The following RP1 variants were observed in gnomAD, a reference collection of about 807,000 sequenced individuals.
RP1 encodes the protein oxygen-regulated protein 1.
Under a neutral mutation model 14.8 loss-of-function variants are expected in RP1, and 16 were observed. The ratio of observed to expected loss-of-function variants is 1.08; its 90% confidence interval spans 0.73 to 1.65. RP1 has a LOEUF of 1.65. Ranked by LOEUF, RP1 falls within the 40% of genes most tolerant of loss-of-function variation. RP1 has a pLI of 0.00. For missense variants in RP1, 2,631 were observed against 2,535.0 expected, an observed-to-expected ratio of 1.04 and a Z score of -0.81; for synonymous variants, 876 against 883.6, an observed-to-expected ratio of 0.99 and a Z score of 0.15.
intron 15 of RP1, among the ~76,000 whole-genome samples, chr8:54,710,012 G>A (rs941452933): frequency 6.6e-6 from 1 of 152,118 alleles, no homozygotes; most frequent in Non-Finnish European, 1.5e-5. Flanking sequence ...TGCCATCAGG[G>A]CCCCATGTTT....
Position 54,839,448 on chromosome 8 carries a change from C to T in RP1, c.3835+1779C>T, listed in dbSNP as rs149361448. Among the ~76,000 whole-genome samples, 107 of 152,300 alleles carry T rather than the reference C, an allele frequency of 7.0e-4. No homozygotes were observed. The East Asian group carries it at 0.019, about 27-fold the overall frequency. On this transcript the variant is annotated intron_variant, in intron 25 of 28. Coordinates refer to the RP1 transcript ENST00000637698. ...AGCACCAGAGGAAATCCTGATGATT[C>T]GGATAGGGGTCCTGTTCTTTAGAAG...
chr8:54,696,985 G>A (rs1194479940), intron 12 of RP1: 4 of 1,377,330 alleles, frequency 2.9e-6, no homozygotes, highest in Non-Finnish European at 4.1e-6. Context: ...CCTTCCCAGG[G>A]AATCATTTCC....
intron 12 of RP1, among the ~76,000 whole-genome samples, chr8:54,693,386 T>A (rs557495274): frequency 1.3e-5 from 2 of 152,178 alleles, no homozygotes; most frequent in Non-Finnish European, 2.9e-5. Flanking sequence ...GGGATGGCCT[T>A]GAATCTATAA....
intron 24 of RP1, among the ~76,000 whole-genome samples, chr8:54,809,048 G>A (rs546392513): frequency 3.5e-4 from 53 of 152,314 alleles, no homozygotes; most frequent in African/African-American, 6.0e-4. Context: ...TAGTATTTAT[G>A]CAAATAATTT....
chr8:54,763,260 T>C (rs1809684736), intron 22 of RP1, among the ~76,000 whole-genome samples: 1 of 152,182 alleles, frequency 6.6e-6, no homozygotes, highest in Non-Finnish European at 1.5e-5. Context: ...AACAATGTCA[T>C]TCACAATATA....
chr8:54,633,461 CTG>C (rs1236742483), downstream of RP1, among the ~76,000 whole-genome samples: 1 of 151,960 alleles, frequency 6.6e-6, no homozygotes, highest in Non-Finnish European at 1.5e-5. Context: ...AGAGTGTAAA[CTG>C]AGGTATTGAA....
At chr8:54,579,849 C>G (rs1804741657) in intron 1 of RP1, among the ~76,000 whole-genome samples, 1 of 152,200 alleles carries the variant, frequency 6.6e-6, no homozygotes, top group Non-Finnish European at 1.5e-5. Context: ...TCAGAATCAG[C>G]CTGCACACGG....
intron 7 of RP1, among the ~76,000 whole-genome samples, chr8:54,666,512 T>C (rs531151934): frequency 6.6e-6 from 1 of 152,068 alleles, no homozygotes; most frequent in South Asian, 2.1e-4. Context: ...GGATGCTCAG[T>C]GTGTGGAGAA....
At chr8:54,806,145 A>G (rs1191047039) in intron 24 of RP1, among the ~76,000 whole-genome samples, 1 of 152,064 alleles carries the variant, frequency 6.6e-6, no homozygotes, top group Non-Finnish European at 1.5e-5. Flanking sequence ...CAGCCTCCTG[A>G]GTAGCTGAGA....
At chr8:54,687,344 A>T (rs909692594) in intron 12 of RP1, among the ~76,000 whole-genome samples, 1 of 151,982 alleles carries the variant, frequency 6.6e-6, no homozygotes, top group African/African-American at 2.4e-5. Flanking sequence ...AACTTCGGGG[A>T]TACATGTGCA....
chr8:54,752,665 A>C (rs867655055), intron 19 of RP1, among the ~76,000 whole-genome samples: 1 of 152,178 alleles, frequency 6.6e-6, no homozygotes, highest in Non-Finnish European at 1.5e-5. Context: ...CCATCATCCC[A>C]TTGCAGGGCA....
At chr8:54,806,592 T>C (rs1192977743) in intron 24 of RP1, among the ~76,000 whole-genome samples, 2 of 152,202 alleles carry the variant, frequency 1.3e-5, no homozygotes, top group Non-Finnish European at 1.5e-5. Context: ...TAAAGTTATA[T>C]ACCTTGCTAC....
intron 21 of RP1, among the ~76,000 whole-genome samples, chr8:54,758,146 A>G (rs750590199): frequency 6.6e-6 from 1 of 152,212 alleles, no homozygotes; most frequent in Non-Finnish European, 1.5e-5. Flanking sequence ...ACAGTCAACT[A>G]TCATTTCTGG....
At chr8:54,617,243 ACTT>A (rs1454470013) in intron 1 of RP1, among the ~76,000 whole-genome samples, 1 of 152,162 alleles carries the variant, frequency 6.6e-6, no homozygotes, top group African/African-American at 2.4e-5. Context: ...TTCAGCCTAA[ACTT>A]CTGGGAGAAT....
At chr8:54,776,073 T>C (rs1194868170) in intron 23 of RP1, among the ~76,000 whole-genome samples, 3 of 152,176 alleles carry the variant, frequency 2.0e-5, no homozygotes. Flanking sequence ...TAATACACAT[T>C]TAAAAAATAC....
chr8:54,629,506 G>A lies in RP1; in HGVS notation c.5624G>A (p.Gly1875Asp), dbSNP rs150728667. 6 of 1,614,014 alleles carry A rather than the reference G, an allele frequency of 3.7e-6. No homozygotes were observed. Among genetic ancestry groups the A allele is most frequent in the Admixed American group, 1.7e-5 (1 of 60,012 alleles). The change falls in exon 4 of 4, where the codon GGT becomes GAT. Residue 1875 changes from glycine to aspartate, a missense_variant. Physicochemically the swap from Gly to Asp is moderately conservative, Grantham distance 94. Transcript: ENST00000220676. Reference protein sequence around the residue: ...TSVTHSFISAGNKVYPVSDDA... With the variant: ...TSVTHSFISADNKVYPVSDDA... ...GTCACTCATTCCTTTATTTCTGCTG[G>A]TAACAAAGTCTACCCTGTCTCTGAT...
At chr8:54,586,014 G>A (rs866863130) in intron 1 of RP1, among the ~76,000 whole-genome samples, 40 of 152,310 alleles carry the variant, frequency 2.6e-4, no homozygotes, top group African/African-American at 3.6e-4. Flanking sequence ...GTCATTCTCC[G>A]TCCAGCTTTG....
intron 26 of RP1, among the ~76,000 whole-genome samples, chr8:54,854,377 C>T (rs1424425452): frequency 6.6e-6 from 1 of 152,084 alleles, no homozygotes; most frequent in African/African-American, 2.4e-5. Context: ...AGAGAAAGCA[C>T]TGAAAAATTT....
At chr8:54,853,738 GAGAA>G (rs1001321230) in intron 26 of RP1, among the ~76,000 whole-genome samples, 8 of 146,414 alleles carry the variant, frequency 5.5e-5, no homozygotes, top group African/African-American at 7.5e-5. Context: ...AAAAAAAAGA[GAGAA>G]AGAAAGAAAG....
Sources: allele counts gnomAD v4.1 joint callset (sites outside exome capture counted in the v4.1 genomes callset), GRCh38; gene constraint gnomAD v4.1.1; transcripts MANE v1.5; gene names NCBI Gene and HGNC (gene_info 2026-07-23, HGNC 2026-07-21).